PPP4R4: variants seen among roughly 807,000 people sequenced by gnomAD.
PPP4R4 encodes the protein protein phosphatase 4 regulatory subunit 4, also known as serine/threonine-protein phosphatase 4 regulatory subunit 4.
In PPP4R4, 70 loss-of-function variants were observed where a neutral mutation model predicts 121.8. The ratio of observed to expected loss-of-function variants is 0.57; its 90% CI spans 0.47 to 0.70. The LOEUF is 0.70. Ranked by LOEUF, PPP4R4 falls within the 30% of genes least tolerant of loss-of-function variation. The pLI is 0.00. For synonymous variants in PPP4R4, 348 were observed against 355.7 expected (o/e 0.98, Z 0.24); for missense variants, 875 against 1,033.6 (o/e 0.85, Z 2.10).
intron 3 of PPP4R4, among the ~76,000 whole-genome samples, chr14:94,230,033 A>G (rs1276558962): frequency 1.3e-5 from 2 of 152,228 alleles, no homozygotes; most frequent in South Asian, 4.1e-4. Flanking sequence ...AATTTTTAAA[A>G]GCATATTCTT....
Position 94,245,148 on chromosome 14 carries a change from T to A in PPP4R4, c.1344+436T>A, listed in dbSNP as rs374330297. Among the ~76,000 whole-genome samples, 13 of 152,300 alleles carry A rather than the reference T, an allele frequency of 8.5e-5. No individual in the cohort carries two copies. In the East Asian group the frequency reaches 1.3e-3, roughly 16 times the overall value. ...AGTATTTTACCACTTAATATGTACT[T>A]ATGAAGACTTTGAAATACTTTATTT... On this transcript the variant is annotated intron_variant, in intron 12 of 24. Coordinates refer to ENST00000304338, the MANE Select transcript of PPP4R4 (RefSeq NM_058237.2).
At chr14:94,255,315 C>T (rs957334023) in intron 16 of PPP4R4, among the ~76,000 whole-genome samples, 12 of 152,074 alleles carry the variant, frequency 7.9e-5, no homozygotes, top group Non-Finnish European at 2.9e-5. Flanking sequence ...ATTCAGAATC[C>T]GGACTGGGCG....
intron 2 of PPP4R4, among the ~76,000 whole-genome samples, chr14:94,195,412 C>T (rs1484620609): frequency 6.6e-6 from 1 of 152,156 alleles, no homozygotes; most frequent in Admixed American, 6.5e-5. Flanking sequence ...AGTTACCAAC[C>T]TGTATACATT....
intron 13 of PPP4R4, 86 bp from the exon 14 acceptor site, chr14:94,246,271 C>T (rs568956844): frequency 4.3e-6 from 5 of 1,159,856 alleles, no homozygotes; most frequent in South Asian, 1.7e-5. Context: ...GGAGTATTCT[C>T]TTCCCCAATG....
At chr14:94,198,201 C>T (rs892358189) in intron 2 of PPP4R4, among the ~76,000 whole-genome samples, 2 of 152,084 alleles carry the variant, frequency 1.3e-5, no homozygotes, top group Non-Finnish European at 2.9e-5. Flanking sequence ...ACATTTGGCA[C>T]GTTGAGTCCT....
chr14:94,248,554 T>G (rs1893014396), intron 14 of PPP4R4, among the ~76,000 whole-genome samples: 1 of 152,314 alleles, frequency 6.6e-6, no homozygotes, highest in Non-Finnish European at 1.5e-5. Context: ...TTAAAAAAAT[T>G]ATTTTAAAAT....
At chr14:94,217,676 G>A (rs1165749101) in intron 3 of PPP4R4, among the ~76,000 whole-genome samples, 25 of 152,144 alleles carry the variant, frequency 1.6e-4, no homozygotes, top group Non-Finnish European at 1.6e-4. Flanking sequence ...AACAGAGAGA[G>A]GATCTATAAA....
intron 6 of PPP4R4, among the ~76,000 whole-genome samples, chr14:94,234,065 C>G (rs561647380): frequency 6.6e-6 from 1 of 152,052 alleles, no homozygotes; most frequent in African/African-American, 2.4e-5. Context: ...AAATTGGCAG[C>G]GGCATAAAGA....
intron 8 of PPP4R4, among the ~76,000 whole-genome samples, chr14:94,238,124 G>A (rs890180997): frequency 1.3e-5 from 2 of 152,194 alleles, no homozygotes; most frequent in African/African-American, 4.8e-5. Context: ...CCAGTCCCAC[G>A]AGAGCTAACC....
chr14:94,214,355 TA>T (rs1311627791), intron 3 of PPP4R4, among the ~76,000 whole-genome samples: 5 of 152,140 alleles, frequency 3.3e-5, no homozygotes, highest in African/African-American at 1.2e-4. Flanking sequence ...AAAAGGGACA[TA>T]ATCAATGTGA....
In PPP4R4 at chr14:94,191,145, A is replaced by G. The variant is rs183773456; in HGVS notation, c.191+15018A>G. Among the ~76,000 whole-genome samples, 7 of 152,284 alleles carry G rather than the reference A, an allele frequency of 4.6e-5. No homozygotes were observed. In the East Asian group the frequency reaches 1.4e-3, roughly 29 times the overall value. On this transcript the variant is annotated intron_variant, in intron 2 of 24. Coordinates refer to ENST00000304338, the MANE Select transcript of PPP4R4 (RefSeq NM_058237.2). The stretch of plus-strand genomic sequence containing the variant: ...GCCACAGGTGTACTTGCACCTTAAT[A>G]AGTTCTTTTCACTCCAGAACAATTG...
chr14:94,198,104 G>T (rs1889981109), intron 2 of PPP4R4, among the ~76,000 whole-genome samples: 2 of 152,114 alleles, frequency 1.3e-5, no homozygotes, highest in Non-Finnish European at 2.9e-5. Flanking sequence ...ATCCTTTAAA[G>T]AAATTGTCAA....
chr14:94,197,395 GTTTAT>G (rs146713640), intron 2 of PPP4R4, among the ~76,000 whole-genome samples: 4,733 of 152,018 alleles, frequency 0.031, 199 homozygotes, highest in African/African-American at 0.091. Context: ...GTTATGCATG[GTTTAT>G]TTTATTTATT....
At position 94,260,553 on chromosome 14, in the gene PPP4R4, T is replaced by A. The variant is rs138306406; in HGVS notation, c.2127+1184T>A. Among the ~76,000 whole-genome samples, 963 of 152,336 alleles carry A rather than the reference T, an allele frequency of 6.3e-3. 10 individuals carry two copies. The highest frequency in any genetic ancestry group is 0.021 in the African/African-American group (860 of 41,572). Reference sequence around the variant, plus strand: ...TGGGTATGTAATGGTATCTCATTTTTTTTTTAATCTCTTTTTCTATTCCTG... The same window carrying A: ...TGGGTATGTAATGGTATCTCATTTTATTTTTAATCTCTTTTTCTATTCCTG... On this transcript the variant is annotated intron_variant, in intron 19 of 24. Coordinates refer to ENST00000304338, the MANE Select transcript of PPP4R4 (RefSeq NM_058237.2).
At chr14:94,274,955 A>G (rs1456043541) in intron 23 of PPP4R4, among the ~76,000 whole-genome samples, 2 of 150,408 alleles carry the variant, frequency 1.3e-5, no homozygotes, top group Non-Finnish European at 2.9e-5. Flanking sequence ...AGTCAGAAAT[A>G]GAAAGGAAGG....
chr14:94,214,940 C>T (rs1011944613), intron 3 of PPP4R4, among the ~76,000 whole-genome samples: 4 of 152,174 alleles, frequency 2.6e-5, no homozygotes, highest in African/African-American at 9.7e-5. Flanking sequence ...AAATTACATT[C>T]AGCCTATGTG....
Position 94,267,970 on chromosome 14 carries a change from C to T in PPP4R4, c.2449+941C>T, listed in dbSNP as rs532669722. On this transcript the variant is annotated intron_variant, in intron 23 of 24. Transcript: ENST00000304338. ...TCTAGCATTAAAGCATCGACATTCA[C>T]GTACAGTATATAGAGTGGTTTTCTG... 3.9e-5 allele frequency among the ~76,000 whole-genome samples: 6 copies of T among 152,224 alleles called. No individual in the cohort carries two copies. In the South Asian group the frequency reaches 1.0e-3, roughly 26 times the overall value.
chr14:94,187,989 T>C (rs1012835366), intron 2 of PPP4R4, among the ~76,000 whole-genome samples: 2 of 152,202 alleles, frequency 1.3e-5, no homozygotes, highest in African/African-American at 4.8e-5. Context: ...GTTTCTCCAC[T>C]GTGGGAGTGG....
intron 2 of PPP4R4, among the ~76,000 whole-genome samples, chr14:94,183,197 C>T (rs1455581317): frequency 6.6e-6 from 1 of 152,068 alleles, no homozygotes; most frequent in East Asian, 1.9e-4. Flanking sequence ...TTGGAGTCTA[C>T]CTGCTTATGG....
Sources: allele counts gnomAD v4.1 joint callset (sites outside exome capture counted in the v4.1 genomes callset), GRCh38; gene constraint gnomAD v4.1.1; transcripts MANE v1.5; gene names NCBI Gene and HGNC (gene_info 2026-07-23, HGNC 2026-07-21).